The following TMEM26 variants were observed in gnomAD, a reference collection of about 807,000 sequenced individuals.
TMEM26 encodes the protein transmembrane protein 26.
Under a neutral mutation model 28.8 loss-of-function variants are expected in TMEM26, and 38 were observed. That is an observed-to-expected ratio of 1.32 (90% CI 1.02 to 1.73). The LOEUF (loss-of-function observed/expected upper bound fraction) is 1.73. TMEM26 is among the 40% of genes most tolerant of loss of function. The pLI, the probability that TMEM26 is intolerant of heterozygous loss-of-function variation, is 0.00. For missense variants in TMEM26, 518 were observed against 447.1 expected (o/e 1.16, Z -1.43); for synonymous variants, 227 against 182.9 (o/e 1.24, Z -1.95).
At chr10:61,427,381 T>A (rs1166038956) in intron 4 of TMEM26, among the ~76,000 whole-genome samples, 3 of 151,998 alleles carry the variant, frequency 2.0e-5, no homozygotes, top group Non-Finnish European at 4.4e-5. Context: ...TGTTCCCCAA[T>A]CTCTGCCTAG....
Position 61,406,847 on chromosome 10 carries a change from G to A in TMEM26, c.*3475C>T, listed in dbSNP as rs1285328995. On this transcript the variant is annotated 3_prime_UTR_variant, in exon 6 of 6. Coordinates refer to ENST00000399298, the MANE Select transcript of TMEM26 (RefSeq NM_178505.8). ...TGTTTAAAGTTACTCCCTGCATATG[G>A]AAACTTATTTGAAGCCTCAAAGCTG... The A allele has an allele frequency of 2.6e-5, 4 of 151,894 alleles. No individual in the cohort carries two copies. The highest frequency in any genetic ancestry group is 6.6e-5 in the Admixed American group (1 of 15,218). The allele number at this position is 151,894 out of a possible 1,614,324, so 9.4% of individuals were successfully genotyped here. A position where few individuals can be genotyped will look rare whatever the true frequency, so the allele number is the denominator to read the frequency against.
intron 1 of TMEM26, among the ~76,000 whole-genome samples, chr10:61,445,979 T>C (rs1183526533): frequency 1.3e-5 from 2 of 151,816 alleles, no homozygotes; most frequent in African/African-American, 4.9e-5. Flanking sequence ...ATTTGTACTT[T>C]GTTTTTCTCC....
chr10:61,445,837 C>T (rs745851689), intron 1 of TMEM26, among the ~76,000 whole-genome samples: 1 of 151,782 alleles, frequency 6.6e-6, no homozygotes, highest in South Asian at 2.1e-4. Context: ...ATTTTTCCAC[C>T]GTTGGAAAAA....
At chr10:61,429,249 G>A (rs566294475) in intron 3 of TMEM26, 103 bp from the exon 4 acceptor site, 1 of 895,516 alleles carries the variant, frequency 1.1e-6, no homozygotes, top group Non-Finnish European at 1.7e-6. Flanking sequence ...TTTGTAGAGA[G>A]TAATTTTCAG....
At chr10:61,418,627 T>A (rs1258454735) in intron 4 of TMEM26, among the ~76,000 whole-genome samples, 1 of 151,994 alleles carries the variant, frequency 6.6e-6, no homozygotes. Context: ...AGCTTTGGAG[T>A]GGAGTATGAA....
chr10:61,429,387 T>TA (rs1425206872), intron 3 of TMEM26, among the ~76,000 whole-genome samples: 3 of 152,100 alleles, frequency 2.0e-5, no homozygotes, highest in African/African-American at 7.2e-5. Context: ...GCCTTAAACT[T>TA]ACGAGTGGGA....
At chr10:61,422,335 A>G (rs1368325874) in intron 4 of TMEM26, among the ~76,000 whole-genome samples, 1 of 152,092 alleles carries the variant, frequency 6.6e-6, no homozygotes, top group Non-Finnish European at 1.5e-5. Flanking sequence ...AGAACACCCC[A>G]CCCAACACCA....
At position 61,453,017 on chromosome 10, in the gene TMEM26, A is replaced by G; in HGVS notation, c.65T>C (p.Val22Ala). The G allele has an allele frequency of 6.2e-7, 1 of 1,613,864 alleles. No individual in the cohort carries two copies. Among genetic ancestry groups the G allele is most frequent in the Non-Finnish European group, 8.5e-7 (1 of 1,179,996 alleles). The change falls in exon 1 of 6, where the codon GTC (valine) becomes GCC (alanine). Residue 22 changes from valine (V) to alanine (A), a missense_variant. By Grantham distance (64) the Val-to-Ala change is moderately conservative (BLOSUM62 0). Transcript: ENST00000399298. Reference sequence around the variant, plus strand: ...CACCTCGGTCACTCGCCAGACCCCGACCAGCGAGTGCAGCAGGAACAGCAA... The same window carrying G: ...CACCTCGGTCACTCGCCAGACCCCGGCCAGCGAGTGCAGCAGGAACAGCAA... ...TRLLFLLHSLVGVWRVTEVKK... is the reference protein window; with the variant it reads ...TRLLFLLHSLAGVWRVTEVKK...
At chr10:61,433,120 T>C (rs1222817410) in intron 2 of TMEM26, among the ~76,000 whole-genome samples, 2 of 152,198 alleles carry the variant, frequency 1.3e-5, no homozygotes, top group Admixed American at 1.3e-4. Context: ...AAACATCTTG[T>C]TATTTAAGAA....
intron 1 of TMEM26, among the ~76,000 whole-genome samples, chr10:61,439,150 C>T (rs1247297682): frequency 2.0e-5 from 3 of 152,222 alleles, no homozygotes; most frequent in Admixed American, 1.3e-4. Flanking sequence ...TTCTCTTGCA[C>T]GTCTATCCAC....
rs1023728372 is a variant in TMEM26 at position 61,429,105 on chromosome 10, T to C, written c.426A>G (p.Lys142=). 1.2e-5 allele frequency: 20 copies of C among 1,613,110 alleles called. No individual in the cohort carries two copies. The African/African-American group carries it at 2.5e-4, about 20-fold the overall frequency. ...FVNNLSTVCE[K]VWTLGLHQTF... is the part of the protein sequence containing the mutation. The stretch of plus-strand genomic sequence containing the variant: ...TCTGATGGAGTCCCAATGTCCAAAC[T>C]TTCTCACATACTGTAGATAAGTTAT... Residue 142 remains lysine (K), a synonymous_variant, in exon 4 of 6, where the codon AAA becomes AAG. Coordinates refer to ENST00000399298, the MANE Select transcript of TMEM26 (RefSeq NM_178505.8).
chr10:61,443,989 A>G (rs190467839), intron 1 of TMEM26, among the ~76,000 whole-genome samples: 67 of 152,348 alleles, frequency 4.4e-4, no homozygotes, highest in African/African-American at 1.4e-3. Flanking sequence ...AATTGTTCCA[A>G]TTGAAATCCT....
intron 4 of TMEM26, among the ~76,000 whole-genome samples, chr10:61,416,931 T>C (rs1233039007): frequency 6.6e-6 from 1 of 152,036 alleles, no homozygotes; most frequent in Non-Finnish European, 1.5e-5. Context: ...GTATATATTA[T>C]CTATGCACAC....
intron 1 of TMEM26, among the ~76,000 whole-genome samples, chr10:61,437,128 G>A (rs1260816375): frequency 1.3e-5 from 2 of 152,174 alleles, no homozygotes; most frequent in African/African-American, 2.4e-5. Context: ...TTCCTGACAC[G>A]TAGACAGTGC....
At chr10:61,413,397 G>C (rs1839599678) in intron 5 of TMEM26, 62 bp downstream of exon 5, 4 of 1,586,004 alleles carry the variant, frequency 2.5e-6, no homozygotes, top group Non-Finnish European at 3.4e-6. Context: ...CTTAGTTTTA[G>C]CATAGTTAAT....
chr10:61,434,929 A>G (rs1027069011), intron 2 of TMEM26, among the ~76,000 whole-genome samples: 9 of 152,320 alleles, frequency 5.9e-5, no homozygotes, highest in South Asian at 2.1e-4. Flanking sequence ...GATCTTTTCT[A>G]AAGTATTTTA....
intron 4 of TMEM26, 91 bp downstream of exon 4, chr10:61,428,835 T>C: frequency 9.0e-7 from 1 of 1,111,780 alleles, no homozygotes; most frequent in South Asian, 1.4e-5. Context: ...TAAAAATTCT[T>C]ATTCATGTGA....
intron 1 of TMEM26, among the ~76,000 whole-genome samples, chr10:61,451,630 G>A (rs1176768716): frequency 6.6e-6 from 1 of 152,134 alleles, no homozygotes; most frequent in African/African-American, 2.4e-5. Flanking sequence ...TACCTCAAAT[G>A]TCTCACGCTT....
intron 4 of TMEM26, among the ~76,000 whole-genome samples, chr10:61,415,733 A>C (rs1340599652): frequency 6.6e-6 from 1 of 152,042 alleles, no homozygotes; most frequent in Non-Finnish European, 1.5e-5. Flanking sequence ...TCTATTCTAC[A>C]ATGTTCAGAA....
Sources: gnomAD v4.1 joint callset for allele counts (sites outside exome capture counted in the v4.1 genomes callset) on GRCh38, gnomAD v4.1.1 for gene constraint, MANE v1.5 for transcripts, NCBI Gene and HGNC (gene_info 2026-07-23, HGNC 2026-07-21) for gene names.